Variants in TRMT13 observed in about 807,000 individuals in gnomAD.
TRMT13 encodes tRNA methyltransferase 13.
TRMT13 carries 45 observed loss-of-function variants against 55.9 expected under a neutral mutation model. The observed-to-expected ratio is 0.80, with a 90% CI of 0.63 to 1.03. The LOEUF (loss-of-function observed/expected upper bound fraction) is 1.03, where lower values mean the gene tolerates loss of function less well. Ranked by LOEUF, TRMT13 falls within the 50% of genes least tolerant of loss-of-function variation. The pLI, the probability that TRMT13 is intolerant of heterozygous loss-of-function variation, is 0.00. For missense variants in TRMT13, 513 were observed against 563.9 expected (o/e 0.91, Z 0.91); for synonymous variants, 183 against 196.3 (o/e 0.93, Z 0.57).
intron 9 of TRMT13, among the ~76,000 whole-genome samples, chr1:100,146,760 G>A (rs1657319846): frequency 6.6e-6 from 1 of 152,078 alleles, no homozygotes; most frequent in Non-Finnish European, 1.5e-5. Context: ...CACCTCAGCC[G>A]GCGTGAGCTA....
intron 3 of TRMT13, among the ~76,000 whole-genome samples, chr1:100,137,510 T>C (rs537570871): frequency 1.3e-5 from 2 of 152,166 alleles, no homozygotes; most frequent in South Asian, 4.1e-4. Context: ...GAAATACAAA[T>C]ATTTTTAAAT....
Position 100,149,118 on chromosome 1 carries a change from C to T in TRMT13, c.*298C>T, listed in dbSNP as rs375861468. 9 of 1,586,082 alleles carry T rather than the reference C, an allele frequency of 5.7e-6. No individual in the cohort carries two copies. The African/African-American group carries it at 1.1e-4, about 19-fold the overall frequency. On this transcript the variant is annotated 3_prime_UTR_variant, in exon 11 of 11. Transcript: ENST00000370141. ...GTGATCTGAAACATACATAACATGTCAACACATAATTAGCGTATTTCTGTT... is the reference window on the plus strand; with the variant it reads ...GTGATCTGAAACATACATAACATGTTAACACATAATTAGCGTATTTCTGTT...
Position 100,133,323 on chromosome 1 carries a change from A to G in TRMT13, c.147+8A>G. On this transcript the variant is annotated splice_region_variant and intron_variant, in intron 1 of 10. Transcript: ENST00000370141. The stretch of plus-strand genomic sequence containing the variant: ...CACGCTGGAGCCGCGGAGGTGTGGT[A>G]TCGCCCTACTCTCTCAAGAGTCGGA... 1.2e-6 allele frequency: 2 copies of G among 1,613,802 alleles called. No homozygotes were observed. The highest frequency in any genetic ancestry group is 1.7e-6 in the Non-Finnish European group (2 of 1,179,848).
Position 100,140,406 on chromosome 1 carries a change from AG to A in TRMT13, c.395del. 6.2e-7 allele frequency: 1 copy of A among 1,612,000 alleles called. No homozygotes were observed. The highest frequency in any genetic ancestry group is 1.7e-5 in the Admixed American group (1 of 59,826). On this transcript the variant is annotated splice_acceptor_variant, in intron 5 of 10. Transcript: ENST00000370141. LOFTEE classifies it high-confidence loss of function. ...AAGCTGTTGTGCTTATATTTGGCAC[AG>A]GCTTGAATTCTACACTTAAAGATCA... is the stretch of plus-strand genomic sequence containing the variant.
intron 9 of TRMT13, among the ~76,000 whole-genome samples, chr1:100,145,464 G>A (rs1416660120): frequency 2.0e-5 from 3 of 152,068 alleles, no homozygotes; most frequent in Non-Finnish European, 4.4e-5. Context: ...CTCTGCTGCA[G>A]TTGCTTACCC....
chr1:100,145,488 A>G (rs779217035), intron 9 of TRMT13, among the ~76,000 whole-genome samples: 8 of 151,206 alleles, frequency 5.3e-5, no homozygotes, highest in Non-Finnish European at 1.2e-4. Context: ...TTGAAATTCC[A>G]TTTTCTTCTC....
chr1:100,149,325 G>T lies in TRMT13; in HGVS notation c.*505G>T, dbSNP rs1657716188. On this transcript the variant is annotated 3_prime_UTR_variant, in exon 11 of 11. Coordinates refer to ENST00000370141, the MANE Select transcript of TRMT13 (RefSeq NM_019083.3). ...TTTTCTCAAATGCAGACAATTCAGA[G>T]ATATTCACAATTAATAAACACAATT... 2 of 1,540,970 alleles carry T rather than the reference G, an allele frequency of 1.3e-6. No homozygotes were observed. The highest frequency in any genetic ancestry group is 4.1e-5 in the Admixed American group (2 of 48,694).
At position 100,140,982 on chromosome 1, in the gene TRMT13, A is replaced by G; in HGVS notation, c.632A>G (p.His211Arg). Residue 211 changes from histidine to arginine, a missense_variant, in exon 7 of 11, where the codon CAC (histidine) becomes CGC (arginine). This residue lies in a region of TRMT13 where 298 missense variants were observed against 290.3 expected (regional missense o/e 1.03). Transcript: ENST00000370141. ...DIALKDAEKV[H>R]FILVEKVTTR... ...GCCTTAAAAGATGCTGAAAAAGTTC[A>G]CTTCATCCTAGTGGAAAAGGTGACC... The G allele has an allele frequency of 6.2e-7, 1 of 1,613,446 alleles. No homozygotes were observed. Among genetic ancestry groups the G allele is most frequent in the Non-Finnish European group, 8.5e-7 (1 of 1,179,630 alleles).
Position 100,140,871 on chromosome 1 carries a change from T to C in TRMT13, c.521T>C (p.Ile174Thr), listed in dbSNP as rs1393317693. Residue 174 changes from isoleucine to threonine, a missense_variant, in exon 7 of 11, where the codon ATT becomes ACT. Physicochemically the swap from Ile to Thr is moderately conservative, Grantham distance 89. This residue lies in a region of TRMT13 where 298 missense variants were observed against 290.3 expected (regional missense o/e 1.03). Coordinates refer to ENST00000370141, the MANE Select transcript of TRMT13 (RefSeq NM_019083.3). Reference protein sequence around the residue: ...LKQQASILGNIENLKLLGPRR... With the variant: ...LKQQASILGNTENLKLLGPRR... ...TTGCAGGCTTCTATTTTAGGTAACA[T>C]TGAAAATTTAAAGTTACTTGGTCCA... is the stretch of plus-strand genomic sequence containing the variant. 2 of 1,613,094 alleles carry C rather than the reference T, an allele frequency of 1.2e-6. No homozygotes were observed. The highest frequency in any genetic ancestry group is 1.7e-6 in the Non-Finnish European group (2 of 1,179,566).
At chr1:100,135,179 C>T (rs988502955) in intron 1 of TRMT13, among the ~76,000 whole-genome samples, 18 of 152,174 alleles carry the variant, frequency 1.2e-4, no homozygotes, top group South Asian at 1.0e-3. Context: ...AATTACCTGC[C>T]CAAAACGTCA....
chr1:100,143,462 A>G lies in TRMT13; in HGVS notation c.742+253A>G, dbSNP rs186264843. 2.7e-4 allele frequency among the ~76,000 whole-genome samples: 41 copies of G among 152,318 alleles called. No homozygotes were observed. The East Asian group carries it at 7.7e-3, about 29-fold the overall frequency. ...GGGAAGAGTTTAAAAGTTTTATAATATGTACTTCTGTTGTTTCTTTGTCCT... is the reference window on the plus strand; with the variant it reads ...GGGAAGAGTTTAAAAGTTTTATAATGTGTACTTCTGTTGTTTCTTTGTCCT... On this transcript the variant is annotated intron_variant, in intron 8 of 10. Coordinates refer to ENST00000370141, the MANE Select transcript of TRMT13 (RefSeq NM_019083.3).
chr1:100,136,387 A>G (rs913883700), intron 1 of TRMT13, among the ~76,000 whole-genome samples: 8 of 152,200 alleles, frequency 5.3e-5, no homozygotes, highest in Admixed American at 1.3e-4. Context: ...TAGCCATTCC[A>G]CAATGTATAC....
chr1:100,144,787 T>C (rs1657025780), intron 9 of TRMT13, among the ~76,000 whole-genome samples: 1 of 152,250 alleles, frequency 6.6e-6, no homozygotes, highest in Admixed American at 6.5e-5. Context: ...GTAAAGTGTC[T>C]GGCACATAAT....
chr1:100,142,386 A>G (rs1305511072), intron 7 of TRMT13, among the ~76,000 whole-genome samples: 2 of 152,222 alleles, frequency 1.3e-5, no homozygotes, highest in Non-Finnish European at 2.9e-5. Context: ...CAACAATCCA[A>G]GTAAGAAAGA....
rs608038 is a variant in TRMT13 at position 100,141,552 on chromosome 1, G to A, written c.669+533G>A. ...TCACTTTGTCGCCCAGGCTGGTGTCGAACTCCTGAGCTTAAGCCATCCTCC... is the reference window on the plus strand; with the variant it reads ...TCACTTTGTCGCCCAGGCTGGTGTCAAACTCCTGAGCTTAAGCCATCCTCC... On this transcript the variant is annotated intron_variant, in intron 7 of 10. Transcript: ENST00000370141. Among the ~76,000 whole-genome samples the A allele has an allele frequency of 9.2e-3, 1,394 of 152,100 alleles. 24 individuals carry two copies. Among genetic ancestry groups the A allele is most frequent in the African/African-American group, 0.032 (1,344 of 41,482 alleles).
In TRMT13 at chr1:100,143,163, T is replaced by G; in HGVS notation, c.696T>G (p.Asn232Lys). 1.2e-6 allele frequency: 2 copies of G among 1,610,776 alleles called. No homozygotes were observed. The highest frequency in any genetic ancestry group is 1.7e-6 in the Non-Finnish European group (2 of 1,178,128). Residue 232 changes from asparagine to lysine, a missense_variant, in exon 8 of 11, where the codon AAT becomes AAG. Asn to Lys is a moderately conservative substitution (Grantham distance 94). Transcript: ENST00000370141. ...TGGATGGAAAACACAGAAAGAAAAA[T>G]TCAGTGTTTGAAAGACTTCAAATTG... ...FKVDGKHRKK[N>K]SVFERLQIDI...
rs55678628 is a variant in TRMT13, at chr1:100,146,336, G to A, written c.818-1558G>A. Among the ~76,000 whole-genome samples the A allele has an allele frequency of 4.9e-3, 748 of 152,232 alleles. 7 individuals are homozygous for A. Among genetic ancestry groups the A allele is most frequent in the African/African-American group, 0.015 (637 of 41,514 alleles). ...ATGGTATATACTTAGTACGATGCTTGCTATATAACAGGAACACAGTGAATA... is the reference window on the plus strand; with the variant it reads ...ATGGTATATACTTAGTACGATGCTTACTATATAACAGGAACACAGTGAATA... On this transcript the variant is annotated intron_variant, in intron 9 of 10. Coordinates refer to ENST00000370141, the MANE Select transcript of TRMT13 (RefSeq NM_019083.3).
At chr1:100,144,191 C>A in intron 9 of TRMT13, 48 bp downstream of exon 9, 1 of 1,411,734 alleles carries the variant, frequency 7.1e-7, no homozygotes, top group Non-Finnish European at 1.0e-6. Context: ...TAAGTTTTGG[C>A]CTAACCTGGC....
chr1:100,146,187 C>T (rs1352929227), intron 9 of TRMT13, among the ~76,000 whole-genome samples: 2 of 152,166 alleles, frequency 1.3e-5, no homozygotes, highest in Non-Finnish European at 2.9e-5. Flanking sequence ...TCAGGGAGCT[C>T]CCTTAAATAA....
Sources: gnomAD v4.1 joint callset for allele counts (sites outside exome capture counted in the v4.1 genomes callset) on GRCh38, gnomAD v4.1.1 for gene constraint, gnomAD v4.1.1 regional missense constraint, MANE v1.5 for transcripts, NCBI Gene and HGNC (gene_info 2026-07-23, HGNC 2026-07-21) for gene names.